GEMIN5: variants seen among roughly 807,000 people sequenced by gnomAD.
The protein encoded by GEMIN5 is gem-associated protein 5.
Under a neutral mutation model 176.9 loss-of-function variants are expected in GEMIN5, and 124 were observed. The observed-to-expected ratio is 0.70, with a 90% confidence interval of 0.61 to 0.81. GEMIN5 has a LOEUF of 0.81. GEMIN5 is among the 40% of genes least tolerant of loss of function. The pLI is 0.00. For missense variants in GEMIN5, 1,843 were observed against 1,814.6 expected (o/e 1.02, Z -0.28); for synonymous variants, 673 against 665.2 (o/e 1.01, Z -0.18).
intron 12 of GEMIN5, among the ~76,000 whole-genome samples, chr5:154,917,666 A>G (rs901377918): frequency 1.4e-4 from 22 of 152,234 alleles, no homozygotes; most frequent in African/African-American, 4.6e-4. Flanking sequence ...TATGCAGTTC[A>G]ACATAGGAGG....
Position 154,899,259 on chromosome 5 carries a change from C to T in GEMIN5, c.3066G>A (p.Leu1022=). The T allele has an allele frequency of 6.2e-7, 1 of 1,612,914 alleles. No individual in the cohort carries two copies. Among genetic ancestry groups the T allele is most frequent in the South Asian group, 1.1e-5 (1 of 90,752 alleles). Residue 1022 remains leucine, a synonymous_variant, in exon 22 of 28, where the codon CTG becomes CTA. Coordinates refer to ENST00000285873, the MANE Select transcript of GEMIN5 (RefSeq NM_015465.5). ...KARLRPEDPV[L]KDLYLSWGTV... ...TTCCCCAGCTGAGGTACAAGTCCTT[C>T]AGGACTGGGTCCTCCGGGCGCAGCC...
At chr5:154,903,814 G>GA (rs1005548145) in intron 18 of GEMIN5, among the ~76,000 whole-genome samples, 13 of 149,182 alleles carry the variant, frequency 8.7e-5, no homozygotes, top group Admixed American at 5.4e-4. Flanking sequence ...GATTTACTTT[G>GA]AAAAAAAAAT....
chr5:154,914,229 C>T (rs1221197564), intron 13 of GEMIN5, among the ~76,000 whole-genome samples: 1 of 152,184 alleles, frequency 6.6e-6, no homozygotes, highest in East Asian at 1.9e-4. Context: ...CCATGTTGGC[C>T]AGGCTGGTTT....
intron 27 of GEMIN5, among the ~76,000 whole-genome samples, chr5:154,888,670 C>T (rs867279083): frequency 3.9e-5 from 6 of 152,116 alleles, no homozygotes; most frequent in African/African-American, 1.2e-4. Context: ...TTTGGGCCCA[C>T]AGCCAAAAAG....
intron 24 of GEMIN5, among the ~76,000 whole-genome samples, chr5:154,893,389 A>G (rs1763280716): frequency 6.6e-6 from 1 of 151,748 alleles, no homozygotes; most frequent in African/African-American, 2.4e-5. Flanking sequence ...ACTACACCCG[A>G]GCCTGGGTGA....
intron 5 of GEMIN5, among the ~76,000 whole-genome samples, chr5:154,929,834 AC>A (rs1379430214): frequency 6.6e-6 from 1 of 152,264 alleles, no homozygotes; most frequent in Non-Finnish European, 1.5e-5. Flanking sequence ...TACTTGCTTT[AC>A]ATGCATTTGG....
At chr5:154,889,530 C>A in intron 26 of GEMIN5, 113 bp from the exon 27 acceptor site, 1 of 552,612 alleles carries the variant, frequency 1.8e-6, no homozygotes, top group Non-Finnish European at 3.2e-6. Flanking sequence ...ACCATCTTAG[C>A]CATTTAAAAA....
intron 22 of GEMIN5, 49 bp from the exon 23 acceptor site, chr5:154,898,699 T>G: frequency 7.3e-7 from 1 of 1,374,304 alleles, no homozygotes; most frequent in Non-Finnish European, 1.0e-6. Flanking sequence ...CAGATTTTTA[T>G]TCCCATTCCT....
At chr5:154,932,460 T>A (rs1422427949) in intron 3 of GEMIN5, among the ~76,000 whole-genome samples, 2 of 152,136 alleles carry the variant, frequency 1.3e-5, no homozygotes, top group Non-Finnish European at 2.9e-5. Context: ...AAAACCCTTC[T>A]CTCTATGATC....
At chr5:154,918,187 A>G (rs1000955837) in intron 11 of GEMIN5, among the ~76,000 whole-genome samples, 183 bp from the exon 12 acceptor site, 2 of 152,188 alleles carry the variant, frequency 1.3e-5, no homozygotes, top group Admixed American at 1.3e-4. Flanking sequence ...CTCATTTCCT[A>G]ACTGGGCCAA....
chr5:154,916,648 G>A (rs369002208), intron 13 of GEMIN5, among the ~76,000 whole-genome samples: 2 of 151,824 alleles, frequency 1.3e-5, no homozygotes, highest in African/African-American at 2.4e-5. Context: ...CCTCTAACCC[G>A]GCAAATTTGT....
intron 20 of GEMIN5, among the ~76,000 whole-genome samples, chr5:154,902,171 C>T (rs996132804): frequency 1.3e-5 from 2 of 151,890 alleles, no homozygotes; most frequent in African/African-American, 4.8e-5. Context: ...ACTGGCTATT[C>T]ACAGGCACAA....
At chr5:154,917,450 A>G (rs967446595) in intron 12 of GEMIN5, among the ~76,000 whole-genome samples, 10 of 152,206 alleles carry the variant, frequency 6.6e-5, no homozygotes, top group African/African-American at 2.4e-4. Flanking sequence ...TTTCCACACT[A>G]CCTCAGTGTA....
chr5:154,897,762 T>C (rs1763379374), intron 23 of GEMIN5, among the ~76,000 whole-genome samples: 1 of 152,086 alleles, frequency 6.6e-6, no homozygotes, highest in Admixed American at 6.6e-5. Flanking sequence ...TTCCATAGCT[T>C]ACAGTTAAGA....
intron 5 of GEMIN5, among the ~76,000 whole-genome samples, chr5:154,929,662 T>C (rs1764121080): frequency 6.6e-6 from 1 of 152,194 alleles, no homozygotes; most frequent in East Asian, 1.9e-4. Flanking sequence ...AGTCTAGAGG[T>C]TACCCTCCTG....
chr5:154,889,300 A>G (rs779060051), intron 27 of GEMIN5, 21 bp downstream of exon 27: 1 of 1,249,630 alleles, frequency 8.0e-7, no homozygotes. Context: ...GCTTTACCAA[A>G]TGAACTGCTT....
At chr5:154,897,354 C>T (rs990952463) in intron 23 of GEMIN5, among the ~76,000 whole-genome samples, 2 of 152,180 alleles carry the variant, frequency 1.3e-5, no homozygotes, top group African/African-American at 4.8e-5. Flanking sequence ...CAAATGTTTA[C>T]ATGTTTCAGA....
rs1763600386 is a variant in GEMIN5 at position 154,907,751 on chromosome 5, TTTC to T, written c.2232_2234del (p.Lys746del). ...TTACAGGAGTTCTCAAGGTGGGCTT[TTTC>T]TTCTTTTTGGGCTTTGCCTTAGGTT... is the stretch of plus-strand genomic sequence containing the variant. On this transcript the variant is annotated inframe_deletion, in exon 16 of 28. Transcript: ENST00000285873. The T allele has an allele frequency of 6.2e-7, 1 of 1,614,070 alleles. No individual in the cohort carries two copies. The highest frequency in any genetic ancestry group is 1.3e-5 in the African/African-American group (1 of 74,930).
intron 26 of GEMIN5, among the ~76,000 whole-genome samples, chr5:154,890,172 C>CT (rs1272215557): frequency 6.6e-6 from 1 of 152,198 alleles, no homozygotes; most frequent in Non-Finnish European, 1.5e-5. Flanking sequence ...TGAAGTGCTG[C>CT]TTCACTGTAG....
Sources: gnomAD v4.1 joint callset for allele counts (sites outside exome capture counted in the v4.1 genomes callset) on GRCh38, gnomAD v4.1.1 for gene constraint, MANE v1.5 for transcripts, NCBI Gene and HGNC (gene_info 2026-07-23, HGNC 2026-07-21) for gene names.